The following HIBCH variants were observed in gnomAD, a reference collection of about 807,000 sequenced individuals.
HIBCH encodes the protein 3-hydroxyisobutyryl-CoA hydrolase, mitochondrial.
Under a neutral mutation model 58.2 loss-of-function variants are expected in HIBCH, and 50 were observed. The ratio of observed to expected loss-of-function variants is 0.86; its 90% CI spans 0.68 to 1.09. The LOEUF is 1.09. HIBCH is among the 50% of genes least tolerant of loss of function. The pLI is 0.00. For missense variants in HIBCH, 450 were observed against 449.7 expected (o/e 1.00, Z -0.01); for synonymous variants, 151 against 146.9 (o/e 1.03, Z -0.20).
intron 6 of HIBCH, among the ~76,000 whole-genome samples, chr2:190,273,992 G>C (rs1057159862): frequency 1.9e-4 from 29 of 152,096 alleles, no homozygotes; most frequent in African/African-American, 7.0e-4. Context: ...TGGAGACACA[G>C]AGTCTCGCTA....
intron 6 of HIBCH, among the ~76,000 whole-genome samples, chr2:190,271,173 C>G (rs1400517378): frequency 6.6e-6 from 1 of 151,732 alleles, no homozygotes; most frequent in Non-Finnish European, 1.5e-5. Flanking sequence ...GAAAGTCATT[C>G]TTGCTCCACT....
chr2:190,235,603 G>A (rs1307428998), intron 11 of HIBCH, among the ~76,000 whole-genome samples: 1 of 152,104 alleles, frequency 6.6e-6, no homozygotes, highest in Non-Finnish European at 1.5e-5. Flanking sequence ...TATAACATAA[G>A]GACCATTACA....
In HIBCH at chr2:190,246,167, C is replaced by T. The variant is rs144053672; in HGVS notation, c.796G>A (p.Asp266Asn). The change falls in exon 10 of 14, where the codon GAC becomes AAC. Residue 266 changes from aspartate (D) to asparagine (N), a missense_variant. Physicochemically the swap from Asp to Asn is conservative, Grantham distance 23. Coordinates refer to ENST00000359678, the MANE Select transcript of HIBCH (RefSeq NM_014362.4). ...DKSFILEEHM[D>N]KINSCFSANT... is the part of the protein sequence containing the mutation. ...CTTTTTAGGTACCTGTTTATTTTGT[C>T]CATGTGTTCCTCAAGTATAAAAGAC... 6,714 of 1,581,178 alleles carry T rather than the reference C, an allele frequency of 4.2e-3. 19 individuals carry two copies. Among genetic ancestry groups the T allele is most frequent in the Non-Finnish European group, 5.4e-3 (6,265 of 1,150,968 alleles).
At chr2:190,310,817 A>G (rs1688537317) in intron 1 of HIBCH, 21 bp from the exon 2 acceptor site, 1 of 1,560,824 alleles carries the variant, frequency 6.4e-7, no homozygotes, top group African/African-American at 1.4e-5. Context: ...TGTGGAAAAC[A>G]ATGAGAACAG....
intron 7 of HIBCH, among the ~76,000 whole-genome samples, chr2:190,259,365 G>GTGTGTGTGTGTGTGTGTGTGTC (rs1305957511): frequency 1.9e-4 from 27 of 141,124 alleles, no homozygotes; most frequent in Admixed American, 3.5e-4. Flanking sequence ...GTGTGTGTGT[G>GTGTGTGTGTGTGTGTGTGTGTC]TGTCTGTCTG....
Position 190,214,118 on chromosome 2 carries a change from G to A in HIBCH, c.892-1043C>T, listed in dbSNP as rs1255483761. Reference sequence around the variant, plus strand: ...TTATGTGGCCTGCTCTGGACATCTTGGCTCCCCGCAGAAGCCACAGACAAA... The same window carrying A: ...TTATGTGGCCTGCTCTGGACATCTTAGCTCCCCGCAGAAGCCACAGACAAA... On this transcript the variant is annotated intron_variant, in intron 11 of 13. Coordinates refer to ENST00000359678, the MANE Select transcript of HIBCH (RefSeq NM_014362.4). The surrounding 1 kb of genome is among the most constrained non-coding windows in gnomAD (Gnocchi z 5.5). The A allele has an allele frequency of 6.6e-6, 1 of 152,160 alleles. No individual in the cohort carries two copies. Among genetic ancestry groups the A allele is most frequent in the East Asian group, 1.9e-4 (1 of 5,190 alleles). The allele number at this position is 152,160 out of a possible 1,614,324, so 9.4% of individuals were successfully genotyped here.
chr2:190,195,370 A>G (rs1689920346), intron 1 of HIBCH, among the ~76,000 whole-genome samples: 1 of 149,958 alleles, frequency 6.7e-6, no homozygotes. Context: ...ATACAGTAAG[A>G]ATGTTTCACT....
chr2:190,318,491 T>C (rs1688763055), intron 1 of HIBCH, among the ~76,000 whole-genome samples: 1 of 152,128 alleles, frequency 6.6e-6, no homozygotes. Flanking sequence ...CATCTTGGCC[T>C]CTGCTTTCTA....
intron 1 of HIBCH, among the ~76,000 whole-genome samples, chr2:190,195,941 C>CTTTTTTTTTTT (rs35679833): frequency 4.6e-4 from 40 of 86,154 alleles, no homozygotes; most frequent in South Asian, 9.0e-4. Flanking sequence ...CTGTGTCCAG[C>CTTTTTTTTTTT]TTTTTTTTTT....
At chr2:190,258,548 C>G (rs1686994470) in intron 7 of HIBCH, among the ~76,000 whole-genome samples, 1 of 152,186 alleles carries the variant, frequency 6.6e-6, no homozygotes, top group South Asian at 2.1e-4. Context: ...TTCTATTTGT[C>G]TATGCACAGA....
chr2:190,274,248 T>C (rs1687486346), intron 6 of HIBCH, among the ~76,000 whole-genome samples: 1 of 152,238 alleles, frequency 6.6e-6, no homozygotes, highest in Admixed American at 6.5e-5. Context: ...TGAAAAAAGG[T>C]ACCCATTATG....
chr2:190,270,531 G>A (rs1687367814), intron 6 of HIBCH, among the ~76,000 whole-genome samples: 1 of 152,182 alleles, frequency 6.6e-6, no homozygotes, highest in African/African-American at 2.4e-5. Flanking sequence ...TCTAACCAGG[G>A]AGAATGAGTA....
chr2:190,250,439 T>A, intron 8 of HIBCH: 5 of 461,776 alleles, frequency 1.1e-5, no homozygotes, highest in South Asian at 6.4e-5. Context: ...TCTAATCGCA[T>A]CCCCAAAGTA....
chr2:190,215,740 G>GT lies in HIBCH; in HGVS notation c.892-2666dup, dbSNP rs1690613215. ...AGATAAAGGGGAGGAAACAGCAAAC[G>GT]TAGAGGGCCAGAGAAAGAGTTAAGC... On this transcript the variant is annotated intron_variant, in intron 11 of 13. Transcript: ENST00000359678. This position sits in a 1 kb window ranked among gnomAD's most constrained non-coding sequence, Gnocchi z 4.4. 6.6e-6 allele frequency: 1 copy of GT among 152,318 alleles called. No homozygotes were observed. Among genetic ancestry groups the GT allele is most frequent in the Non-Finnish European group, 1.5e-5 (1 of 68,138 alleles). The allele number at this position is 152,318 out of a possible 1,614,324, so 9.4% of individuals were successfully genotyped here. A position where few individuals can be genotyped will look rare whatever the true frequency, so the allele number is the denominator to read the frequency against.
chr2:190,292,365 C>T (rs1421890748), intron 4 of HIBCH, among the ~76,000 whole-genome samples: 1 of 152,006 alleles, frequency 6.6e-6, no homozygotes, highest in East Asian at 1.9e-4. Context: ...AGTGCGGTGG[C>T]ATGATCTCAG....
intron 13 of HIBCH, among the ~76,000 whole-genome samples, chr2:190,205,730 T>C (rs1474684455): frequency 2.6e-5 from 4 of 152,128 alleles, no homozygotes; most frequent in African/African-American, 9.7e-5. Flanking sequence ...TTCTGCTGAA[T>C]CCTCCAGTTC....
chr2:190,268,043 A>G (rs3791799), intron 6 of HIBCH, among the ~76,000 whole-genome samples: 23,916 of 152,104 alleles, frequency 0.16, 2,679 homozygotes, highest in East Asian at 0.39. Flanking sequence ...TAAATACTCA[A>G]TTAGAAATAA....
chr2:190,263,092 C>G (rs1687137756), intron 6 of HIBCH, among the ~76,000 whole-genome samples: 1 of 146,340 alleles, frequency 6.8e-6, no homozygotes, highest in Non-Finnish European at 1.5e-5. Flanking sequence ...GCCCTCTTAA[C>G]TTCTGAAATT....
chr2:190,296,979 G>A (rs1403963633), intron 2 of HIBCH, 26 bp from the exon 3 acceptor site: 2 of 1,611,720 alleles, frequency 1.2e-6, no homozygotes, highest in Non-Finnish European at 1.7e-6. Context: ...ATAACTTTAT[G>A]ACAAAATTTC....
Sources: allele counts gnomAD v4.1 joint callset (sites outside exome capture counted in the v4.1 genomes callset), GRCh38; gene constraint gnomAD v4.1.1; non-coding constraint Gnocchi (gnomAD v3.1); transcripts MANE v1.5; gene names NCBI Gene and HGNC (gene_info 2026-07-23, HGNC 2026-07-21).